The following TNKS variants were observed in gnomAD, a reference collection of about 807,000 sequenced individuals.
TNKS encodes the protein tankyrase, also known as poly [ADP-ribose] polymerase tankyrase-1.
A neutral mutation model predicts 135.8 loss-of-function variants in TNKS; 72 were observed. That is an observed-to-expected ratio of 0.53 (90% CI 0.44 to 0.64). The LOEUF is 0.64. TNKS is among the 30% of genes least tolerant of loss of function. TNKS has a pLI of 0.00. For synonymous variants in TNKS, 849 were observed against 649.3 expected (o/e 1.31, Z -4.68); for missense variants, 1,769 against 1,674.0 (o/e 1.06, Z -0.99).
In TNKS at chr8:9,707,056, A is replaced by C. The variant is rs963758820; in HGVS notation, c.1456+59A>C. 5.1e-6 allele frequency: 7 copies of C among 1,383,780 alleles called. No individual in the cohort carries two copies. The African/African-American group carries it at 8.8e-5, about 17-fold the overall frequency. The allele number at this position is 1,383,780 out of a possible 1,614,324, so 85.7% of individuals were successfully genotyped here. A position where few individuals can be genotyped will look rare whatever the true frequency, so the allele number is the denominator to read the frequency against. ...AAATTGGAATATTTAATTTCTGTTG[A>C]GTTTTATCTACCTTAAATAATAACC... On this transcript the variant is annotated intron_variant, in intron 8 of 26. Transcript: ENST00000310430.
rs76310382 is a variant in TNKS at position 9,733,142 on chromosome 8, A to G, written c.2148-137A>G. On this transcript the variant is annotated intron_variant, in intron 14 of 26. Transcript: ENST00000310430. ...GAAATGGATAACTATATCTTAAAGA[A>G]CAGAGGTGGGTGTATTTCTTTTTGC... The G allele has an allele frequency of 2.4e-3, 1,494 of 614,218 alleles. 12 individuals are homozygous for G. Among genetic ancestry groups the G allele is most frequent in the African/African-American group, 0.024 (1,257 of 52,156 alleles). 38.0% of individuals were successfully genotyped at this position (614,218 alleles called of 1,614,324 possible).
At chr8:9,730,019 C>T (rs1167989165) in intron 13 of TNKS, among the ~76,000 whole-genome samples, 10 of 152,098 alleles carry the variant, frequency 6.6e-5, no homozygotes, top group Non-Finnish European at 1.5e-5. Context: ...TCGTGATCTG[C>T]CTGCCTTGGC....
At chr8:9,771,636 A>AGGAGGGAC (rs1807876597) in intron 26 of TNKS, among the ~76,000 whole-genome samples, 1 of 102,540 alleles carries the variant, frequency 9.8e-6, no homozygotes, top group African/African-American at 4.0e-5. Flanking sequence ...GAGGGAGGGA[A>AGGAGGGAC]AGAGAGAGAG....
At chr8:9,622,465 T>G (rs549555110) in intron 3 of TNKS, among the ~76,000 whole-genome samples, 1 of 152,304 alleles carries the variant, frequency 6.6e-6, no homozygotes, top group East Asian at 1.9e-4. Context: ...TTGTACTCAT[T>G]TTTACAGATG....
chr8:9,582,311 T>G (rs1387904980), intron 2 of TNKS, among the ~76,000 whole-genome samples: 2 of 152,092 alleles, frequency 1.3e-5, no homozygotes, highest in East Asian at 3.8e-4. Flanking sequence ...TGGGAAGCCT[T>G]GTTTTTTTTT....
At chr8:9,650,404 G>A (rs556035411) in intron 3 of TNKS, among the ~76,000 whole-genome samples, 9 of 152,210 alleles carry the variant, frequency 5.9e-5, no homozygotes, top group African/African-American at 1.4e-4. Flanking sequence ...ACTTTCTTCC[G>A]TAGTGGTTTT....
intron 3 of TNKS, among the ~76,000 whole-genome samples, chr8:9,651,757 A>G (rs1460553488): frequency 1.3e-5 from 2 of 152,192 alleles, no homozygotes; most frequent in African/African-American, 4.8e-5. Context: ...ACATTCTTTT[A>G]TGTGGGCTTG....
At chr8:9,557,009 A>G in intron 1 of TNKS, 1 of 310,290 alleles carries the variant, frequency 3.2e-6, no homozygotes, top group South Asian at 8.2e-5. Context: ...GACAGTCCAG[A>G]CCAAAAGAGG....
chr8:9,749,902 G>A (rs140011786), intron 18 of TNKS, among the ~76,000 whole-genome samples: 22 of 152,296 alleles, frequency 1.4e-4, no homozygotes, highest in Middle Eastern at 3.4e-3. Context: ...TCGGGACCCT[G>A]AGCCTTTTAT....
chr8:9,626,256 C>T (rs898396986), intron 3 of TNKS, among the ~76,000 whole-genome samples: 1 of 152,076 alleles, frequency 6.6e-6, no homozygotes, highest in Admixed American at 6.5e-5. Context: ...ACAGATTTTT[C>T]GATTCTTTTA....
intron 17 of TNKS, among the ~76,000 whole-genome samples, chr8:9,745,722 G>A (rs1806200808): frequency 1.3e-5 from 2 of 152,046 alleles, no homozygotes; most frequent in Admixed American, 1.3e-4. Flanking sequence ...TGTTTTTGGG[G>A]GCGTTTTTTG....
chr8:9,588,342 TAGGCTCACTG>T (rs1563098309), intron 2 of TNKS, among the ~76,000 whole-genome samples: 2 of 152,140 alleles, frequency 1.3e-5, no homozygotes, highest in African/African-American at 4.8e-5. Flanking sequence ...TGGCGGGATC[TAGGCTCACTG>T]CAAGCTCTGC....
At chr8:9,704,437 T>G (rs980327388) in intron 5 of TNKS, among the ~76,000 whole-genome samples, 29 of 152,120 alleles carry the variant, frequency 1.9e-4, no homozygotes, top group African/African-American at 6.8e-4. Context: ...TGATTACTGA[T>G]GGCCTTAAAA....
intron 17 of TNKS, among the ~76,000 whole-genome samples, chr8:9,746,660 C>T (rs1177315160): frequency 6.6e-6 from 1 of 152,252 alleles, no homozygotes; most frequent in East Asian, 1.9e-4. Context: ...ATTTCGTAAT[C>T]TCCCTGGAGC....
rs556327710 is a variant in TNKS at position 9,756,932 on chromosome 8, C to G, written c.3153+4306C>G. On this transcript the variant is annotated intron_variant, in intron 20 of 26. Transcript: ENST00000310430. ...TGATCATATTACTCTGCTGAAAAGA[C>G]TTCCCAGGGCCTTTGGTATACTTTT... Among the ~76,000 whole-genome samples, 10 of 145,592 alleles carry G rather than the reference C, an allele frequency of 6.9e-5. No individual in the cohort carries two copies. In the East Asian group the frequency reaches 1.4e-3, roughly 20 times the overall value.
At chr8:9,572,103 A>C (rs10102030) in intron 1 of TNKS, among the ~76,000 whole-genome samples, 22 of 152,010 alleles carry the variant, frequency 1.4e-4, no homozygotes, top group African/African-American at 4.8e-4. Flanking sequence ...TATAGACATA[A>C]GCTCACACAC....
At chr8:9,598,725 G>GTGTGTGTC (rs1798888063) in intron 2 of TNKS, among the ~76,000 whole-genome samples, 1 of 129,762 alleles carries the variant, frequency 7.7e-6, no homozygotes, top group African/African-American at 2.9e-5. Flanking sequence ...GTGTGTGTGT[G>GTGTGTGTC]TGTGTGTGTC....
intron 1 of TNKS, among the ~76,000 whole-genome samples, chr8:9,560,012 A>G (rs1797263445): frequency 6.6e-6 from 1 of 152,070 alleles, no homozygotes; most frequent in South Asian, 2.1e-4. Flanking sequence ...TTTATTGTTG[A>G]CTAGAATTTA....
intron 5 of TNKS, among the ~76,000 whole-genome samples, chr8:9,692,518 G>T (rs1417455750): frequency 6.6e-6 from 1 of 152,196 alleles, no homozygotes; most frequent in Non-Finnish European, 1.5e-5. Flanking sequence ...ACTGTGATGA[G>T]ACTATATCTG....
Sources: allele counts gnomAD v4.1 joint callset (sites outside exome capture counted in the v4.1 genomes callset), GRCh38; gene constraint gnomAD v4.1.1; transcripts MANE v1.5; gene names NCBI Gene and HGNC (gene_info 2026-07-23, HGNC 2026-07-21).